Variants in RFWD3 observed in about 807,000 individuals in gnomAD.
The protein encoded by RFWD3 is E3 ubiquitin-protein ligase RFWD3.
A neutral mutation model predicts 87.7 loss-of-function variants in RFWD3; 65 were observed. That is an observed-to-expected ratio of 0.74 (90% CI 0.61 to 0.91). The LOEUF is 0.91. RFWD3 is among the 40% of genes least tolerant of loss of function. The probability of loss-of-function intolerance (pLI) is 0.00; values close to 1 mark genes in which losing one functional copy is unlikely to be tolerated. For synonymous variants in RFWD3, 433 were observed against 352.8 expected, an observed-to-expected ratio of 1.23 and a Z score of -2.55; for missense variants, 1,078 against 938.5, an observed-to-expected ratio of 1.15 and a Z score of -1.94.
chr16:74,635,830 T>G (rs1959191998), intron 8 of RFWD3, among the ~76,000 whole-genome samples: 1 of 152,234 alleles, frequency 6.6e-6, no homozygotes, highest in Non-Finnish European at 1.5e-5. Context: ...GACTTGGTTT[T>G]CAACATTTAG....
At chr16:74,632,829 T>G in intron 8 of RFWD3, 156 bp from the exon 9 acceptor site, 2 of 648,578 alleles carry the variant, frequency 3.1e-6, no homozygotes, top group South Asian at 3.9e-5. Flanking sequence ...TACAATTTAT[T>G]CATTTATTTT....
At chr16:74,635,477 A>T (rs1311615392) in intron 8 of RFWD3, among the ~76,000 whole-genome samples, 4 of 152,004 alleles carry the variant, frequency 2.6e-5, no homozygotes, top group African/African-American at 9.7e-5. Flanking sequence ...AAAAGAAAAA[A>T]AAAAAATCAA....
intron 1 of RFWD3, among the ~76,000 whole-genome samples, chr16:74,662,204 T>G (rs1289178807): frequency 6.6e-6 from 1 of 152,176 alleles, no homozygotes; most frequent in African/African-American, 2.4e-5. Context: ...TGGTCTTGAA[T>G]GCCTGGCCTT....
chr16:74,622,033 T>C lies in RFWD3; in HGVS notation c.*1895A>G, dbSNP rs145544625. The stretch of plus-strand genomic sequence containing the variant: ...CTTAAGATTCACATAACGTCCCTCA[T>C]AGTTAAGTCTCTTGCTTCCTACTAT... On this transcript the variant is annotated 3_prime_UTR_variant, in exon 13 of 13. Coordinates refer to ENST00000361070, the MANE Select transcript of RFWD3 (RefSeq NM_018124.4). 6.6e-6 allele frequency: 1 copy of C among 152,162 alleles called. No homozygotes were observed. The highest frequency in any genetic ancestry group is 2.4e-5 in the African/African-American group (1 of 41,430). The allele number at this position is 152,162 out of a possible 1,614,324, so 9.4% of individuals were successfully genotyped here.
chr16:74,630,808 A>G lies in RFWD3; in HGVS notation c.1727T>C (p.Val576Ala). The G allele has an allele frequency of 1.2e-6, 2 of 1,612,200 alleles. No individual in the cohort carries two copies. The highest frequency in any genetic ancestry group is 8.5e-7 in the Non-Finnish European group (1 of 1,179,288). The change falls in exon 10 of 13, where the codon GTG becomes GCG. Residue 576 changes from valine (V) to alanine (A), a missense_variant. Physicochemically the swap from Val to Ala is moderately conservative, Grantham distance 64. Transcript: ENST00000361070. Reference sequence around the variant, plus strand: ...GGCTTTCTGAGCTACTAACTCCTGCACATGACTGCTCGTGTTTCGCACGTC... The same window carrying G: ...GGCTTTCTGAGCTACTAACTCCTGCGCATGACTGCTCGTGTTTCGCACGTC... ...VYDVRNTSSH[V>A]QELVAQKARC...
chr16:74,657,097 C>A (rs905445347), intron 2 of RFWD3, among the ~76,000 whole-genome samples: 1 of 152,146 alleles, frequency 6.6e-6, no homozygotes, highest in African/African-American at 2.4e-5. Context: ...CAAGAGTAGT[C>A]TTGCAAATGG....
At chr16:74,639,441 C>G (rs557238069) in intron 6 of RFWD3, among the ~76,000 whole-genome samples, 1 of 152,226 alleles carries the variant, frequency 6.6e-6, no homozygotes, top group African/African-American at 2.4e-5. Flanking sequence ...GTCATTGACC[C>G]AAAGGTCATT....
At chr16:74,648,852 G>A (rs1192942214) in intron 4 of RFWD3, among the ~76,000 whole-genome samples, 3 of 152,116 alleles carry the variant, frequency 2.0e-5, no homozygotes, top group Non-Finnish European at 2.9e-5. Flanking sequence ...TTGGGAGGCC[G>A]AGGCAGGACG....
chr16:74,624,519 C>T (rs1321079566), intron 12 of RFWD3, among the ~76,000 whole-genome samples: 1 of 152,184 alleles, frequency 6.6e-6, no homozygotes, highest in Non-Finnish European at 1.5e-5. Context: ...CCTCAGCCTC[C>T]CAAGTAGCTG....
rs1331359434 is a variant in RFWD3, at chr16:74,660,914, A to G, written c.518+18T>C. Reference sequence around the variant, plus strand: ...CTAGTACAGCAATGATCACAGACTTATCCATATATTTATTTACCTGGCACT... The same window carrying G: ...CTAGTACAGCAATGATCACAGACTTGTCCATATATTTATTTACCTGGCACT... On this transcript the variant is annotated intron_variant, in intron 2 of 12. Coordinates refer to ENST00000361070, the MANE Select transcript of RFWD3 (RefSeq NM_018124.4). 1.9e-6 allele frequency: 3 copies of G among 1,600,670 alleles called. No individual in the cohort carries two copies. The highest frequency in any genetic ancestry group is 1.7e-4 in the Middle Eastern group (1 of 6,006).
intron 1 of RFWD3, among the ~76,000 whole-genome samples, chr16:74,665,857 C>T (rs1204350448): frequency 6.6e-6 from 1 of 152,038 alleles, no homozygotes; most frequent in Non-Finnish European, 1.5e-5. Context: ...AGCGATTCTC[C>T]TGCCTCAGCC....
chr16:74,635,364 G>A (rs1171781671), intron 8 of RFWD3, among the ~76,000 whole-genome samples: 1 of 152,132 alleles, frequency 6.6e-6, no homozygotes, highest in Non-Finnish European at 1.5e-5. Flanking sequence ...CTACTTGGGA[G>A]GCTGAGGCAG....
intron 4 of RFWD3, among the ~76,000 whole-genome samples, chr16:74,645,303 C>T (rs879695775): frequency 6.6e-6 from 1 of 152,208 alleles, no homozygotes. Context: ...AATTAAAACA[C>T]ATATATCTTT....
At chr16:74,647,620 C>T (rs1960251804) in intron 4 of RFWD3, among the ~76,000 whole-genome samples, 1 of 151,424 alleles carries the variant, frequency 6.6e-6, no homozygotes, top group Non-Finnish European at 1.5e-5. Flanking sequence ...GAGATGAAGT[C>T]GTGCTCCGTC....
chr16:74,623,997 A>C lies in RFWD3; in HGVS notation c.2256T>G (p.Phe752Leu). ...TDQPVLDICPFEVNRNSYLAT... is the reference protein window; with the variant it reads ...TDQPVLDICPLEVNRNSYLAT... ...CCAAGTAGCTGTTACGGTTCACCTC[A>C]AATGGGCAGATGTCCAACACAGGCT... Residue 752 changes from phenylalanine (F) to leucine (L), a missense_variant, in exon 13 of 13, where the codon TTT becomes TTG. Physicochemically the swap from Phe to Leu is conservative, Grantham distance 22. Coordinates refer to ENST00000361070, the MANE Select transcript of RFWD3 (RefSeq NM_018124.4). 6.2e-7 allele frequency: 1 copy of C among 1,614,144 alleles called. No individual in the cohort carries two copies. The highest frequency in any genetic ancestry group is 8.5e-7 in the Non-Finnish European group (1 of 1,180,012).
intron 8 of RFWD3, among the ~76,000 whole-genome samples, chr16:74,634,824 A>G (rs1231958295): frequency 9.7e-5 from 14 of 144,824 alleles, no homozygotes; most frequent in South Asian, 6.8e-4. Flanking sequence ...AAAGGGGGGA[A>G]GGGGGGCGCA....
intron 3 of RFWD3, among the ~76,000 whole-genome samples, chr16:74,650,382 G>A (rs997704405): frequency 6.6e-6 from 1 of 151,612 alleles, no homozygotes; most frequent in African/African-American, 2.4e-5. Context: ...ATGGGGGTGG[G>A]GGGCTGGTGT....
At position 74,623,714 on chromosome 16, in the gene RFWD3, A is replaced by G. The variant is rs1349098062; in HGVS notation, c.*214T>C. The G allele has an allele frequency of 1.8e-5, 9 of 504,872 alleles. No individual in the cohort carries two copies. The highest frequency in any genetic ancestry group is 5.8e-5 in the African/African-American group (3 of 51,498). 31.3% of individuals were successfully genotyped at this position (504,872 alleles called of 1,614,324 possible). On this transcript the variant is annotated 3_prime_UTR_variant, in exon 13 of 13. Coordinates refer to ENST00000361070, the MANE Select transcript of RFWD3 (RefSeq NM_018124.4). ...AACCCAAGAAATGGATAATGTAGAT[A>G]AAGTACCCATCAATTACTCTTTTAG...
Position 74,655,155 on chromosome 16 carries a change from G to T in RFWD3, c.519-3033C>A, listed in dbSNP as rs190869999. Among the ~76,000 whole-genome samples the T allele has an allele frequency of 1.2e-4, 18 of 152,302 alleles. No individual in the cohort carries two copies. In the East Asian group the frequency reaches 2.7e-3, roughly 23 times the overall value. ...GCCACGTAGGACTTTTGCAGCTACAGAGAAGTCAATGCCTGGCTTCAAGGC... is the reference window on the plus strand; with the variant it reads ...GCCACGTAGGACTTTTGCAGCTACATAGAAGTCAATGCCTGGCTTCAAGGC... On this transcript the variant is annotated intron_variant, in intron 2 of 12. Transcript: ENST00000361070.
Sources: gnomAD v4.1 joint callset for allele counts (sites outside exome capture counted in the v4.1 genomes callset) on GRCh38, gnomAD v4.1.1 for gene constraint, MANE v1.5 for transcripts, NCBI Gene and HGNC (gene_info 2026-07-23, HGNC 2026-07-21) for gene names.